The following RNF217 variants were observed in gnomAD, a reference collection of about 807,000 sequenced individuals.
RNF217 encodes the protein E3 ubiquitin-protein ligase RNF217.
Under a neutral mutation model 57.8 loss-of-function variants are expected in RNF217, and 31 were observed. That is an observed-to-expected ratio of 0.54 (90% CI 0.40 to 0.72). The LOEUF is 0.72. RNF217 is among the 30% of genes least tolerant of loss of function. The probability of loss-of-function intolerance (pLI) is 0.00; values close to 1 mark genes in which losing one functional copy is unlikely to be tolerated. For synonymous variants in RNF217, 313 were observed against 294.0 expected (o/e 1.06, Z -0.66); for missense variants, 696 against 708.3 (o/e 0.98, Z 0.20).
intron 3 of RNF217, 150 bp from the exon 4 acceptor site, chr6:125,076,507 A>G (rs1361863763): frequency 4.9e-6 from 3 of 614,990 alleles, no homozygotes; most frequent in African/African-American, 1.8e-5. Context: ...CTTGGAGGGT[A>G]TGATTATAAG....
chr6:125,052,517 G>T (rs113962504), intron 2 of RNF217, among the ~76,000 whole-genome samples: 1,633 of 152,112 alleles, frequency 0.011, 22 homozygotes, highest in African/African-American at 0.033. Flanking sequence ...GCATTTCCAT[G>T]CAGGGAAGAG....
At chr6:125,067,134 G>A (rs917346852) in intron 3 of RNF217, among the ~76,000 whole-genome samples, 1 of 152,182 alleles carries the variant, frequency 6.6e-6, no homozygotes, top group Non-Finnish European at 1.5e-5. Flanking sequence ...AATTAAAACT[G>A]CAAAGGCACA....
intron 1 of RNF217, among the ~76,000 whole-genome samples, chr6:125,042,488 T>C (rs375214242): frequency 6.6e-6 from 1 of 151,992 alleles, no homozygotes. Flanking sequence ...TTTGGTTCAG[T>C]GTAGTAGGAT....
intron 1 of RNF217, among the ~76,000 whole-genome samples, chr6:124,998,121 C>T (rs983765275): frequency 3.3e-5 from 5 of 152,194 alleles, no homozygotes; most frequent in Non-Finnish European, 7.3e-5. Flanking sequence ...ATGTTCCAGT[C>T]ATTTCTATTC....
intron 1 of RNF217, among the ~76,000 whole-genome samples, chr6:124,983,804 G>T (rs1784265526): frequency 6.6e-6 from 1 of 152,142 alleles, no homozygotes; most frequent in Non-Finnish European, 1.5e-5. Context: ...GTCTTAGTCT[G>T]TGCTGCTACA....
At chr6:124,978,733 A>G (rs1344469948) in intron 1 of RNF217, among the ~76,000 whole-genome samples, 1 of 152,150 alleles carries the variant, frequency 6.6e-6, no homozygotes, top group Non-Finnish European at 1.5e-5. Flanking sequence ...TGAGAGGGTT[A>G]CAGCTCATTT....
intron 3 of RNF217, among the ~76,000 whole-genome samples, chr6:125,064,952 A>G (rs1038951703): frequency 2.0e-5 from 3 of 151,928 alleles, no homozygotes; most frequent in Non-Finnish European, 4.4e-5. Flanking sequence ...AACCAATCTC[A>G]TCAATTTACA....
chr6:125,058,750 G>A (rs139842242), intron 3 of RNF217, among the ~76,000 whole-genome samples: 200 of 152,224 alleles, frequency 1.3e-3, no homozygotes, highest in African/African-American at 4.6e-3. Context: ...ACTCTCCTAC[G>A]GGAGGTCAGC....
chr6:124,974,193 C>T (rs1010761917), intron 1 of RNF217, among the ~76,000 whole-genome samples: 3 of 152,156 alleles, frequency 2.0e-5, no homozygotes, highest in African/African-American at 7.2e-5. Flanking sequence ...GGACATTGAC[C>T]TCAACTTATT....
chr6:125,031,900 A>T (rs1226871005), intron 1 of RNF217, among the ~76,000 whole-genome samples: 1 of 152,192 alleles, frequency 6.6e-6, no homozygotes, highest in Non-Finnish European at 1.5e-5. Flanking sequence ...AAAGACATAC[A>T]CAAGACTGGG....
At chr6:125,042,215 C>T (rs747933222) in intron 1 of RNF217, among the ~76,000 whole-genome samples, 34 of 152,092 alleles carry the variant, frequency 2.2e-4, no homozygotes, top group Non-Finnish European at 3.8e-4. Context: ...TATGAGTAAT[C>T]GAAGGATTGT....
At chr6:125,054,119 G>A (rs760480801) in intron 2 of RNF217, among the ~76,000 whole-genome samples, 24 of 152,060 alleles carry the variant, frequency 1.6e-4, no homozygotes, top group Non-Finnish European at 3.4e-4. Flanking sequence ...GTGAACTTGT[G>A]GGCTGTTGGA....
chr6:125,062,720 G>A (rs2114601616), intron 3 of RNF217, among the ~76,000 whole-genome samples: 1 of 152,150 alleles, frequency 6.6e-6, no homozygotes, highest in East Asian at 1.9e-4. Flanking sequence ...GGGATTACAG[G>A]TGCCCACCAC....
intron 1 of RNF217, among the ~76,000 whole-genome samples, chr6:125,028,400 C>T (rs1582726526): frequency 6.6e-6 from 1 of 151,986 alleles, no homozygotes; most frequent in African/African-American, 2.4e-5. Context: ...ATCTTTTGCC[C>T]ATTTTTTATT....
At chr6:125,052,336 T>A (rs1391092090) in intron 2 of RNF217, among the ~76,000 whole-genome samples, 7 of 149,806 alleles carry the variant, frequency 4.7e-5, no homozygotes, top group African/African-American at 1.5e-4. Flanking sequence ...ATTTGTTTTG[T>A]TTTGTTTTGT....
rs141770098 is a variant in RNF217 at position 125,050,944 on chromosome 6, G to A, written c.1116+5500G>A. Among the ~76,000 whole-genome samples the A allele has an allele frequency of 3.3e-5, 5 of 151,994 alleles. No homozygotes were observed. In the East Asian group the frequency reaches 9.7e-4, roughly 30 times the overall value. ...TCTAGCCCTGTTGATAGACGCCAGT[G>A]TAAACAAAGTGTGTGTTACATACAT... On this transcript the variant is annotated intron_variant, in intron 2 of 5. Transcript: ENST00000521654.
chr6:125,065,302 A>G (rs1339095225), intron 3 of RNF217, among the ~76,000 whole-genome samples: 1 of 151,738 alleles, frequency 6.6e-6, no homozygotes, highest in East Asian at 1.9e-4. Flanking sequence ...AAAAAAAAAA[A>G]AAAAAAAAGT....
At chr6:125,055,045 C>T (rs1273201425) in intron 2 of RNF217, among the ~76,000 whole-genome samples, 5 of 152,124 alleles carry the variant, frequency 3.3e-5, no homozygotes, top group East Asian at 1.9e-4. Context: ...TATGTGTTTG[C>T]GTAAGGCCAA....
intron 1 of RNF217, among the ~76,000 whole-genome samples, chr6:125,042,586 G>A (rs1028991113): frequency 1.6e-4 from 24 of 151,976 alleles, no homozygotes; most frequent in South Asian, 6.2e-4. Flanking sequence ...TATATTCTTC[G>A]GAAATTGAAT....
Sources: allele counts gnomAD v4.1 joint callset (sites outside exome capture counted in the v4.1 genomes callset), GRCh38; gene constraint gnomAD v4.1.1; transcripts MANE v1.5; gene names NCBI Gene and HGNC (gene_info 2026-07-23, HGNC 2026-07-21).